INTS8: variants seen among roughly 807,000 people sequenced by gnomAD.
INTS8 encodes protein kaonashi-1.
INTS8 carries 47 observed loss-of-function variants against 138.9 expected under a neutral mutation model. The ratio of observed to expected loss-of-function variants is 0.34; its 90% confidence interval spans 0.27 to 0.43. The LOEUF is 0.43. INTS8 is among the 20% of genes least tolerant of loss of function. The pLI, the probability that INTS8 is intolerant of heterozygous loss-of-function variation, is 1.00. For missense variants in INTS8, 996 were observed against 1,173.0 expected (o/e 0.85, Z 2.20); for synonymous variants, 392 against 400.9 (o/e 0.98, Z 0.27).
chr8:94,848,732 T>A (rs901076408), intron 10 of INTS8, among the ~76,000 whole-genome samples: 1 of 152,194 alleles, frequency 6.6e-6, no homozygotes, highest in Non-Finnish European at 1.5e-5. Flanking sequence ...TGCAGGTTAC[T>A]TATACTTTTT....
chr8:94,866,261 G>A lies in INTS8; in HGVS notation c.2295+70G>A, dbSNP rs932794149. The A allele has an allele frequency of 4.9e-6, 4 of 812,474 alleles. No homozygotes were observed. The Admixed American group carries it at 7.7e-5, about 16-fold the overall frequency. The allele number at this position is 812,474 out of a possible 1,614,324, so 50.3% of individuals were successfully genotyped here. A position where few individuals can be genotyped will look rare whatever the true frequency, so the allele number is the denominator to read the frequency against. On this transcript the variant is annotated intron_variant, in intron 18 of 26. Coordinates refer to ENST00000523731, the MANE Select transcript of INTS8 (RefSeq NM_017864.4). ...GTAGAATATGACTAAAAATTATTGG[G>A]TACTTCAAATACTGACTAAATTATT...
At chr8:94,876,027 C>A in intron 23 of INTS8, 47 bp from the exon 24 acceptor site, 1 of 1,253,716 alleles carries the variant, frequency 8.0e-7, no homozygotes, top group Non-Finnish European at 1.2e-6. Flanking sequence ...CCTTGTAAAA[C>A]CAAGCTTTCA....
chr8:94,851,507 G>A (rs368141814), intron 12 of INTS8, 46 bp from the exon 13 acceptor site: 122 of 1,309,188 alleles, frequency 9.3e-5, no homozygotes, highest in Middle Eastern at 2.1e-4. Context: ...TGTTATTCTC[G>A]TGTATATCTT....
chr8:94,863,286 C>T (rs990449537), intron 16 of INTS8, among the ~76,000 whole-genome samples: 4 of 152,358 alleles, frequency 2.6e-5, no homozygotes, highest in African/African-American at 4.8e-5. Context: ...TGCCCCTTGG[C>T]GTTCCAGCCC....
intron 5 of INTS8, 123 bp downstream of exon 5, chr8:94,829,149 G>A (rs1392394795): frequency 5.7e-6 from 4 of 703,810 alleles, no homozygotes; most frequent in African/African-American, 1.8e-5. Flanking sequence ...TGGATGTGGT[G>A]TGGGGGGCGG....
At chr8:94,865,089 T>A (rs1816127340) in intron 16 of INTS8, among the ~76,000 whole-genome samples, 1 of 152,138 alleles carries the variant, frequency 6.6e-6, no homozygotes, top group Non-Finnish European at 1.5e-5. Context: ...GAGCACTATT[T>A]TAACCTCACC....
chr8:94,874,554 A>G lies in INTS8; in HGVS notation c.2640A>G (p.Val880=). The change falls in exon 23 of 27, where the codon GTA becomes GTG. Residue 880 remains valine (V), a splice_region_variant and synonymous_variant. Coordinates refer to ENST00000523731, the MANE Select transcript of INTS8 (RefSeq NM_017864.4). Reference sequence around the variant, plus strand: ...TAATGAGAATTTTGCTTTTGTAGGTAATAAAACGAATGATAAAATGTTGTT... The same window carrying G: ...TAATGAGAATTTTGCTTTTGTAGGTGATAAAACGAATGATAAAATGTTGTT... The part of the protein sequence containing the change: ...AVPPDVYTDQ[V]IKRMIKCCSL... The G allele has an allele frequency of 6.4e-7, 1 of 1,561,952 alleles. No homozygotes were observed. Among genetic ancestry groups the G allele is most frequent in the Non-Finnish European group, 8.8e-7 (1 of 1,133,610 alleles).
chr8:94,847,118 A>G (rs1026095838), intron 10 of INTS8, among the ~76,000 whole-genome samples: 8 of 151,990 alleles, frequency 5.3e-5, no homozygotes, highest in Admixed American at 5.2e-4. Flanking sequence ...TTGACTCACT[A>G]CAACTTCCCT....
chr8:94,841,346 A>G (rs1343169995), intron 8 of INTS8, 145 bp from the exon 9 acceptor site: 2 of 471,428 alleles, frequency 4.2e-6, no homozygotes, highest in African/African-American at 4.0e-5. Context: ...CAAATTTTAG[A>G]ATTTTAGGAA....
intron 10 of INTS8, among the ~76,000 whole-genome samples, chr8:94,847,017 A>G (rs561564859): frequency 9.2e-5 from 14 of 152,250 alleles, no homozygotes; most frequent in Admixed American, 4.6e-4. Flanking sequence ...TTCTACATTC[A>G]TGTATGAGAT....
At chr8:94,875,833 G>A in intron 23 of INTS8, 2 of 425,442 alleles carry the variant, frequency 4.7e-6, no homozygotes, top group African/African-American at 2.0e-5. Context: ...TTCTGAACTG[G>A]CTTTTTGCCA....
At chr8:94,864,998 T>G (rs1454924189) in intron 16 of INTS8, among the ~76,000 whole-genome samples, 1 of 151,538 alleles carries the variant, frequency 6.6e-6, no homozygotes, top group African/African-American at 2.4e-5. Flanking sequence ...CTTTCCTTAT[T>G]TTTTTCGTTG....
At chr8:94,878,152 C>T (rs925713019) in intron 26 of INTS8, among the ~76,000 whole-genome samples, 3 of 152,152 alleles carry the variant, frequency 2.0e-5, no homozygotes, top group Non-Finnish European at 4.4e-5. Flanking sequence ...TTTCTTGGGC[C>T]ACTGAGACTA....
At chr8:94,876,630 CCT>C (rs1406036931) in intron 26 of INTS8, 141 bp downstream of exon 26, 1 of 533,982 alleles carries the variant, frequency 1.9e-6, no homozygotes, top group Non-Finnish European at 3.3e-6. Flanking sequence ...TATAAAAGAT[CCT>C]TTTTTGATAA....
chr8:94,829,440 A>G (rs914744373), intron 5 of INTS8, among the ~76,000 whole-genome samples: 2 of 152,052 alleles, frequency 1.3e-5, no homozygotes, highest in Non-Finnish European at 2.9e-5. Context: ...GTGTGAATCT[A>G]ATGCCCCCAT....
chr8:94,871,403 G>A (rs1238659416), intron 20 of INTS8, among the ~76,000 whole-genome samples: 13 of 151,956 alleles, frequency 8.6e-5, no homozygotes, highest in Admixed American at 1.3e-4. Flanking sequence ...ACTTGAACCC[G>A]GGAGGCGGAG....
At chr8:94,832,584 T>C (rs1021014146) in intron 6 of INTS8, among the ~76,000 whole-genome samples, 1 of 152,202 alleles carries the variant, frequency 6.6e-6, no homozygotes, top group Non-Finnish European at 1.5e-5. Context: ...TTGCCCTCTT[T>C]CTATAACTCT....
At chr8:94,866,373 T>C in intron 18 of INTS8, 182 bp downstream of exon 18, 1 of 595,092 alleles carries the variant, frequency 1.7e-6, no homozygotes, top group Non-Finnish European at 3.2e-6. Context: ...ACTCACTGCG[T>C]CTTCTAATTC....
intron 11 of INTS8, 81 bp downstream of exon 11, chr8:94,849,613 T>C (rs1815458038): frequency 4.5e-6 from 4 of 895,340 alleles, no homozygotes; most frequent in Non-Finnish European, 5.2e-6. Context: ...TATTATCTTT[T>C]GTTTTTGTCT....
Sources: allele counts gnomAD v4.1 joint callset (sites outside exome capture counted in the v4.1 genomes callset), GRCh38; gene constraint gnomAD v4.1.1; transcripts MANE v1.5; gene names NCBI Gene and HGNC (gene_info 2026-07-23, HGNC 2026-07-21).